NXPE4: variants seen among roughly 807,000 people sequenced by gnomAD.
The protein encoded by NXPE4 is NXPE family member 4.
In NXPE4, 42 loss-of-function variants were observed where a neutral mutation model predicts 33.3. The observed-to-expected ratio is 1.26, with a 90% CI of 0.98 to 1.63. NXPE4 has a LOEUF of 1.63. Among genes scored for constraint, NXPE4 ranks in the 40% most tolerant of loss-of-function variants. The probability of loss-of-function intolerance (pLI) is 0.00; values close to 1 mark genes in which losing one functional copy is unlikely to be tolerated. For missense variants in NXPE4, 709 were observed against 647.6 expected, an observed-to-expected ratio of 1.09 and a Z score of -1.03; for synonymous variants, 253 against 234.9, an observed-to-expected ratio of 1.08 and a Z score of -0.71.
At chr11:114,660,002 G>A in the NXPE4 span, among the ~76,000 whole-genome samples, 1 of 152,040 alleles carries the variant, frequency 6.6e-6, no homozygotes, top group Non-Finnish European at 1.5e-5. Context: ...AGACTGATAA[G>A]GGAATACTAA....
chr11:114,644,357 C>G, the NXPE4 span, among the ~76,000 whole-genome samples: 3 of 152,086 alleles, frequency 2.0e-5, no homozygotes, highest in South Asian at 6.2e-4. Flanking sequence ...ATGCTTCCAG[C>G]TTTTGCCCAT....
upstream of NXPE4, among the ~76,000 whole-genome samples, chr11:114,596,408 T>C (rs1004066559): frequency 1.3e-5 from 2 of 152,178 alleles, no homozygotes; most frequent in African/African-American, 4.8e-5. Context: ...ATGGGTTGAT[T>C]ACTGCTGCCC....
At chr11:114,671,331 G>A in the NXPE4 span, among the ~76,000 whole-genome samples, 1 of 35,546 alleles carries the variant, frequency 2.8e-5, no homozygotes, top group African/African-American at 5.2e-5. Context: ...AAATGTAATA[G>A]AGGAATTAGG....
At chr11:114,634,077 C>T in the NXPE4 span, among the ~76,000 whole-genome samples, 1 of 151,538 alleles carries the variant, frequency 6.6e-6, no homozygotes, top group East Asian at 1.9e-4. Context: ...ACAGTTCCAC[C>T]AACAGTGTAA....
the NXPE4 span, among the ~76,000 whole-genome samples, chr11:114,620,889 G>A: frequency 2.6e-5 from 4 of 152,090 alleles, no homozygotes; most frequent in Admixed American, 1.3e-4. Context: ...ATTGCCTCAC[G>A]GGTAACCACA....
At chr11:114,572,570 G>A (rs2135175624) in intron 5 of NXPE4, among the ~76,000 whole-genome samples, 1 of 152,184 alleles carries the variant, frequency 6.6e-6, no homozygotes, top group East Asian at 1.9e-4. Context: ...AATGCAAAAT[G>A]CACTGGAAAT....
In NXPE4 at chr11:114,577,002, TATAAAGTTATATATATATATATATAC is replaced by T. The variant is rs1465179677; in HGVS notation, c.1099+3104_1099+3129del. On this transcript the variant is annotated intron_variant, in intron 5 of 5. Transcript: ENST00000375478. ...ATATATATATATATACATATATATA[TATAAAGTTATATATATATATATATAC>T]ATATATATATATAAAGTTATATATA... Among the ~76,000 whole-genome samples the T allele has an allele frequency of 2.1e-4, 8 of 37,598 alleles. No homozygotes were observed. The East Asian group carries it at 6.9e-3, about 33-fold the overall frequency. 24.7% of individuals were successfully genotyped at this position (37,598 alleles called of 152,430 possible). A position where few individuals can be genotyped will look rare whatever the true frequency, so the allele number is the denominator to read the frequency against.
chr11:114,596,466 C>G (rs1423923637), upstream of NXPE4, among the ~76,000 whole-genome samples: 1 of 152,114 alleles, frequency 6.6e-6, no homozygotes, highest in East Asian at 1.9e-4. Context: ...TTAAGCATGC[C>G]CATCAATCTT....
chr11:114,672,046 G>T, the NXPE4 span, among the ~76,000 whole-genome samples: 1 of 152,054 alleles, frequency 6.6e-6, no homozygotes, highest in African/African-American at 2.4e-5. Context: ...CATGGCTGGT[G>T]GGAAAGACAT....
chr11:114,606,401 A>C, the NXPE4 span, among the ~76,000 whole-genome samples: 4 of 151,980 alleles, frequency 2.6e-5, no homozygotes, highest in African/African-American at 9.6e-5. Flanking sequence ...AACCACTGTT[A>C]CCCGGTGGAT....
At chr11:114,667,553 T>C in the NXPE4 span, among the ~76,000 whole-genome samples, 1 of 152,168 alleles carries the variant, frequency 6.6e-6, no homozygotes, top group Non-Finnish European at 1.5e-5. Flanking sequence ...GTGGAAGTCA[T>C]GACATGTGAG....
chr11:114,644,517 A>G, the NXPE4 span, among the ~76,000 whole-genome samples: 4 of 152,212 alleles, frequency 2.6e-5, no homozygotes, highest in Admixed American at 2.6e-4. Context: ...TAACTTACTA[A>G]AAATGTAATA....
At chr11:114,621,703 T>G in the NXPE4 span, among the ~76,000 whole-genome samples, 4 of 151,630 alleles carry the variant, frequency 2.6e-5, no homozygotes, top group African/African-American at 9.7e-5. Context: ...CCACTGTTAC[T>G]CAGTGGATCA....
Position 114,580,008 on chromosome 11 carries a change from A to C in NXPE4, c.1099+124T>G, listed in dbSNP as rs568366429. On this transcript the variant is annotated intron_variant, in intron 5 of 5. Coordinates refer to ENST00000375478, the MANE Select transcript of NXPE4 (RefSeq NM_001077639.2). ...GAAGGATAACAATGCCTTGTGAAAA[A>C]TTTTGGTGTGTTGTGATTGAAGAAT... The C allele has an allele frequency of 6.3e-6, 5 of 787,816 alleles. No individual in the cohort carries two copies. The African/African-American group carries it at 8.6e-5, about 14-fold the overall frequency. 48.8% of individuals were successfully genotyped at this position (787,816 alleles called of 1,614,324 possible). A position where few individuals can be genotyped will look rare whatever the true frequency, so the allele number is the denominator to read the frequency against.
At chr11:114,640,063 T>C in the NXPE4 span, among the ~76,000 whole-genome samples, 1 of 115,894 alleles carries the variant, frequency 8.6e-6, no homozygotes, top group Admixed American at 1.0e-4. Context: ...ATAATTTATT[T>C]AAAATATAAT....
the NXPE4 span, among the ~76,000 whole-genome samples, chr11:114,651,200 T>G: frequency 6.6e-6 from 1 of 152,130 alleles, no homozygotes; most frequent in Non-Finnish European, 1.5e-5. Flanking sequence ...GGTTGAGTGT[T>G]ACAGTTCTTA....
At chr11:114,605,619 T>G in the NXPE4 span, among the ~76,000 whole-genome samples, 1 of 151,840 alleles carries the variant, frequency 6.6e-6, no homozygotes, top group African/African-American at 2.4e-5. Flanking sequence ...CGGTGGATAA[T>G]AAGTGTTGCC....
chr11:114,609,014 C>T, the NXPE4 span, among the ~76,000 whole-genome samples: 2 of 151,694 alleles, frequency 1.3e-5, no homozygotes, highest in Non-Finnish European at 2.9e-5. Context: ...ATAAGTGTTG[C>T]CTTGTGGGTA....
At chr11:114,674,360 T>C in the NXPE4 span, among the ~76,000 whole-genome samples, 2 of 151,772 alleles carry the variant, frequency 1.3e-5, no homozygotes, top group African/African-American at 4.8e-5. Flanking sequence ...CACACATTTA[T>C]CATCAAGTGT....
Sources: allele counts gnomAD v4.1 joint callset (sites outside exome capture counted in the v4.1 genomes callset), GRCh38; gene constraint gnomAD v4.1.1; transcripts MANE v1.5; gene names NCBI Gene and HGNC (gene_info 2026-07-23, HGNC 2026-07-21).